ADGRF3: variants seen among roughly 807,000 people sequenced by gnomAD.
ADGRF3 encodes G protein-coupled receptor 113.
In ADGRF3, 85 loss-of-function variants were observed where a neutral mutation model predicts 93.2. The ratio of observed to expected loss-of-function variants is 0.91; its 90% CI spans 0.77 to 1.09. The LOEUF (loss-of-function observed/expected upper bound fraction) is 1.09, where lower values mean the gene tolerates loss of function less well. Among genes scored for constraint, ADGRF3 ranks in the 50% least tolerant of loss-of-function variants. ADGRF3 has a pLI of 0.00. For missense variants in ADGRF3, 1,125 were observed against 1,246.2 expected, an observed-to-expected ratio of 0.90 and a Z score of 1.46; for synonymous variants, 534 against 532.5, an observed-to-expected ratio of 1.00 and a Z score of -0.04.
intron 1 of ADGRF3, among the ~76,000 whole-genome samples, chr2:26,326,331 T>C (rs933205052): frequency 7.9e-5 from 12 of 152,312 alleles, no homozygotes; most frequent in African/African-American, 2.9e-4. Context: ...TCTGGTTCTC[T>C]GGTCAGAAAT....
At chr2:26,315,905 G>T in intron 4 of ADGRF3, 165 bp from the exon 5 acceptor site, 1 of 1,055,994 alleles carries the variant, frequency 9.5e-7, no homozygotes, top group South Asian at 1.7e-5. Context: ...GAATGTGGCT[G>T]CTGCAATCCA....
Position 26,309,001 on chromosome 2 carries a change from G to T in ADGRF3, c.*85C>A. ...GGCTGAGCTCCGGGAGGCGGGAAGA[G>T]TTCAGAGCATTGGGCCAGGGCTCAT... On this transcript the variant is annotated 3_prime_UTR_variant, in exon 14 of 14. Coordinates refer to ENST00000651242, the MANE Select transcript of ADGRF3 (RefSeq NM_001321971.2). 1.9e-6 allele frequency: 3 copies of T among 1,594,638 alleles called. No individual in the cohort carries two copies. Among genetic ancestry groups the T allele is most frequent in the Non-Finnish European group, 2.6e-6 (3 of 1,162,824 alleles).
chr2:26,309,945 C>T, intron 12 of ADGRF3, 98 bp downstream of exon 12: 2 of 1,612,778 alleles, frequency 1.2e-6, no homozygotes, highest in Non-Finnish European at 1.7e-6. Context: ...AATCTTCTCT[C>T]AGCTTCTGGC....
intron 1 of ADGRF3, among the ~76,000 whole-genome samples, chr2:26,331,067 C>T (rs978590299): frequency 3.9e-5 from 6 of 152,068 alleles, no homozygotes; most frequent in Non-Finnish European, 1.5e-5. Context: ...TCTTCTTTGT[C>T]GGCTACTTAG....
intron 1 of ADGRF3, among the ~76,000 whole-genome samples, chr2:26,330,224 C>T (rs533738921): frequency 1.3e-5 from 2 of 152,216 alleles, no homozygotes; most frequent in Non-Finnish European, 1.5e-5. Flanking sequence ...CCGGGACCTG[C>T]GTGATGGATG....
At chr2:26,324,718 T>C (rs1023925247) in intron 1 of ADGRF3, among the ~76,000 whole-genome samples, 1 of 152,272 alleles carries the variant, frequency 6.6e-6, no homozygotes, top group Non-Finnish European at 1.5e-5. Flanking sequence ...TTATCCAGTC[T>C]ATCATTGATG....
rs1674472141 is a variant in ADGRF3 at position 26,314,435 on chromosome 2, T to A, written c.907A>T (p.Ser303Cys). The change falls in exon 6 of 14, where the codon AGC (serine) becomes TGC (cysteine). Residue 303 changes from serine to cysteine, a missense_variant. Ser to Cys is a moderately radical substitution (Grantham distance 112). Coordinates refer to ENST00000651242, the MANE Select transcript of ADGRF3 (RefSeq NM_001321971.2). ...ATACCTTTGCTGCCCTCTCCAGGGCTCCAGGCCGCGGTGTAGGCCAGGTTT... is the reference window on the plus strand; with the variant it reads ...ATACCTTTGCTGCCCTCTCCAGGGCACCAGGCCGCGGTGTAGGCCAGGTTT... Reference protein sequence around the residue: ...STNLAYTAAWSPGEGSKASSF... With the variant: ...STNLAYTAAWCPGEGSKASSF... The A allele has an allele frequency of 1.2e-6, 2 of 1,613,782 alleles. No homozygotes were observed. The highest frequency in any genetic ancestry group is 1.7e-4 in the Middle Eastern group (1 of 5,970).
At position 26,313,462 on chromosome 2, in the gene ADGRF3, C is replaced by A; in HGVS notation, c.1184G>T (p.Arg395Met). The stretch of plus-strand genomic sequence containing the variant: ...CCAGACTCCGTCAGCCCCACAGAGC[C>A]TCCTCACTATGCCCCTCTTGCTCTC... ...CPESKRGIVR[R>M]LCGADGVWGP... Residue 395 changes from arginine to methionine, a missense_variant, in exon 8 of 14, where the codon AGG becomes ATG. Arg to Met is a moderately conservative substitution (Grantham distance 91, BLOSUM62 -1). Transcript: ENST00000651242. 6.2e-7 allele frequency: 1 copy of A among 1,611,286 alleles called. No homozygotes were observed. The highest frequency in any genetic ancestry group is 8.5e-7 in the Non-Finnish European group (1 of 1,178,854).
chr2:26,309,923 A>T, intron 12 of ADGRF3, 120 bp downstream of exon 12: 1 of 1,603,090 alleles, frequency 6.2e-7, no homozygotes, highest in African/African-American at 1.3e-5. Context: ...GTTCATTCTA[A>T]AAAACAACCC....
chr2:26,311,304 G>A lies in ADGRF3; in HGVS notation c.2220C>T (p.Arg740=). The A allele has an allele frequency of 6.2e-7, 1 of 1,613,920 alleles. No homozygotes were observed. Among genetic ancestry groups the A allele is most frequent in the Admixed American group, 1.7e-5 (1 of 60,018 alleles). Residue 740 remains arginine (R), a synonymous_variant, in exon 10 of 14, where the codon CGC becomes CGT. Transcript: ENST00000651242. ...VVVRNKISYF[R]HAALLNMVFC... The stretch of plus-strand genomic sequence containing the variant: ...ACACCATGTTGAGCAGGGCGGCGTG[G>A]CGGAAATAGGAGATCTTGTTCCGCA...
intron 1 of ADGRF3, among the ~76,000 whole-genome samples, chr2:26,341,952 A>G (rs1334979167): frequency 6.6e-6 from 1 of 152,004 alleles, no homozygotes; most frequent in Non-Finnish European, 1.5e-5. Context: ...AGGTGCCTGT[A>G]GTCCCAGCTA....
At chr2:26,345,542 G>T (rs1676665190) in intron 1 of ADGRF3, among the ~76,000 whole-genome samples, 1 of 152,114 alleles carries the variant, frequency 6.6e-6, no homozygotes, top group Admixed American at 6.6e-5. Flanking sequence ...TCTGCTGACC[G>T]CACAAAGACT....
rs768923887 is a variant in ADGRF3, at chr2:26,311,221, G to A, written c.2303C>T (p.Pro768Leu). 2 of 1,605,602 alleles carry A rather than the reference G, an allele frequency of 1.2e-6. No homozygotes were observed. Among genetic ancestry groups the A allele is most frequent in the South Asian group, 1.1e-5 (1 of 89,960 alleles). Residue 768 changes from proline (P) to leucine (L), a missense_variant, in exon 10 of 14, where the codon CCC becomes CTC. By Grantham distance (98) the Pro-to-Leu change is moderately conservative. Coordinates refer to ENST00000651242, the MANE Select transcript of ADGRF3 (RefSeq NM_001321971.2). Reference sequence around the variant, plus strand: ...GGCAGCAAGGCAGAGCGGGCTTCGGGGCCCTGGAGAGAGGAATGGGGCGCC... The same window carrying A: ...GGCAGCAAGGCAGAGCGGGCTTCGGAGCCCTGGAGAGAGGAATGGGGCGCC... ...FLGAPFLSPG[P>L]RSPLCLAAAF...
intron 9 of ADGRF3, 45 bp from the exon 10 acceptor site, chr2:26,312,119 C>G (rs776989660): frequency 6.5e-7 from 1 of 1,544,486 alleles, no homozygotes. Context: ...CTGGCGCCCA[C>G]AGGACTGAGC....
At chr2:26,315,904 T>C in intron 4 of ADGRF3, 164 bp from the exon 5 acceptor site, 1 of 1,067,592 alleles carries the variant, frequency 9.4e-7, no homozygotes, top group Non-Finnish European at 1.3e-6. Context: ...TGAATGTGGC[T>C]GCTGCAATCC....
At chr2:26,328,987 T>C (rs781043393) in intron 1 of ADGRF3, among the ~76,000 whole-genome samples, 3 of 152,182 alleles carry the variant, frequency 2.0e-5, no homozygotes, top group Non-Finnish European at 4.4e-5. Flanking sequence ...TCAAAAGGGA[T>C]TTTGCAGATG....
chr2:26,325,705 C>A (rs1032127926), intron 1 of ADGRF3, among the ~76,000 whole-genome samples: 1 of 152,176 alleles, frequency 6.6e-6, no homozygotes, highest in Non-Finnish European at 1.5e-5. Context: ...AGAACTGTTT[C>A]TTCTAAAGAT....
chr2:26,314,449 T>C lies in ADGRF3; in HGVS notation c.893A>G (p.Tyr298Cys), dbSNP rs150700942. 8,936 of 1,613,952 alleles carry C rather than the reference T, an allele frequency of 5.5e-3. 85 individuals carry two copies. The highest frequency in any genetic ancestry group is 5.1e-3 in the Non-Finnish European group (6,037 of 1,179,872). The change falls in exon 6 of 14, where the codon TAC becomes TGC. Residue 298 changes from tyrosine (Y) to cysteine (C), a missense_variant. Coordinates refer to ENST00000651242, the MANE Select transcript of ADGRF3 (RefSeq NM_001321971.2). ...SCCIPSTNLA[Y>C]TAAWSPGEGS... Reference sequence around the variant, plus strand: ...CTCTCCAGGGCTCCAGGCCGCGGTGTAGGCCAGGTTTGTGCTGGGGATGCA... The same window carrying C: ...CTCTCCAGGGCTCCAGGCCGCGGTGCAGGCCAGGTTTGTGCTGGGGATGCA...
intron 1 of ADGRF3, chr2:26,317,902 TG>T: frequency 2.3e-6 from 2 of 874,704 alleles, no homozygotes; most frequent in Non-Finnish European, 3.7e-6. Flanking sequence ...CATTGCTGGC[TG>T]GGGCCCAGGC....
Sources: allele counts gnomAD v4.1 joint callset (sites outside exome capture counted in the v4.1 genomes callset), GRCh38; gene constraint gnomAD v4.1.1; transcripts MANE v1.5; gene names NCBI Gene and HGNC (gene_info 2026-07-23, HGNC 2026-07-21).